The following ZNF385D variants were observed in gnomAD, a reference collection of about 807,000 sequenced individuals.
The protein encoded by ZNF385D is zinc finger protein 385D, also known as zinc finger protein 659.
Under a neutral mutation model 35.8 loss-of-function variants are expected in ZNF385D, and 15 were observed. That is an observed-to-expected ratio of 0.42 (90% CI 0.28 to 0.64). The LOEUF (loss-of-function observed/expected upper bound fraction) is 0.64. ZNF385D is among the 30% of genes least tolerant of loss of function. The pLI is 0.23. For synonymous variants in ZNF385D, 212 were observed against 186.8 expected (o/e 1.13, Z -1.10); for missense variants, 474 against 494.6 (o/e 0.96, Z 0.39).
chr3:22,110,056 A>G (rs543943877), intron 3 of ZNF385D, among the ~76,000 whole-genome samples: 99 of 152,316 alleles, frequency 6.5e-4, no homozygotes, highest in African/African-American at 2.3e-3. Flanking sequence ...ATCACTGACC[A>G]TCAGAGAAAT....
At chr3:22,193,159 G>C (rs1160467908) in intron 2 of ZNF385D, among the ~76,000 whole-genome samples, 1 of 152,062 alleles carries the variant, frequency 6.6e-6, no homozygotes, top group Non-Finnish European at 1.5e-5. Flanking sequence ...CTTATGAATA[G>C]TTTATATCTC....
chr3:21,686,290 T>A (rs1229134103), intron 1 of ZNF385D, among the ~76,000 whole-genome samples: 5 of 152,292 alleles, frequency 3.3e-5, no homozygotes, highest in African/African-American at 1.2e-4. Context: ...TAGGTTGCTA[T>A]AATTATTTTT....
intron 2 of ZNF385D, among the ~76,000 whole-genome samples, chr3:21,649,850 T>C (rs947501175): frequency 6.6e-6 from 1 of 152,166 alleles, no homozygotes; most frequent in Admixed American, 6.5e-5. Context: ...TTAAAGTGTA[T>C]TGGTTTCTTT....
chr3:22,129,760 A>C lies in ZNF385D; in HGVS notation c.325+39057T>G, dbSNP rs528082137. On this transcript the variant is annotated intron_variant, in intron 3 of 5. Transcript: ENST00000494108. Reference sequence around the variant, plus strand: ...TCTGGCCCAAGGTGGGCCTAAAAACACTCTCCAGGAGCTAAAGCCTGGAAG... The same window carrying C: ...TCTGGCCCAAGGTGGGCCTAAAAACCCTCTCCAGGAGCTAAAGCCTGGAAG... 2.6e-5 allele frequency among the ~76,000 whole-genome samples: 4 copies of C among 151,992 alleles called. No individual in the cohort carries two copies. The East Asian group carries it at 7.8e-4, about 30-fold the overall frequency.
At chr3:22,307,315 T>C (rs1240717568) in intron 2 of ZNF385D, among the ~76,000 whole-genome samples, 1 of 152,088 alleles carries the variant, frequency 6.6e-6, no homozygotes, top group Non-Finnish European at 1.5e-5. Context: ...GGAGAAATCT[T>C]TGAATGCCAC....
intron 3 of ZNF385D, among the ~76,000 whole-genome samples, chr3:21,524,560 G>C (rs777025942): frequency 6.6e-6 from 1 of 152,108 alleles, no homozygotes; most frequent in Non-Finnish European, 1.5e-5. Flanking sequence ...TAACTAGAAA[G>C]TTAACATATT....
chr3:21,942,015 T>C (rs1246877943), intron 3 of ZNF385D, among the ~76,000 whole-genome samples: 1 of 152,180 alleles, frequency 6.6e-6, no homozygotes, highest in Non-Finnish European at 1.5e-5. Context: ...CTGGAACTTT[T>C]CTCTTTTATA....
At chr3:22,096,719 C>T (rs532483049) in intron 3 of ZNF385D, among the ~76,000 whole-genome samples, 3 of 152,114 alleles carry the variant, frequency 2.0e-5, no homozygotes, top group African/African-American at 7.2e-5. Context: ...CTATCATTCC[C>T]CACGCTGTTC....
At chr3:21,795,551 T>G (rs1447485979) in intron 3 of ZNF385D, among the ~76,000 whole-genome samples, 1 of 152,216 alleles carries the variant, frequency 6.6e-6, no homozygotes, top group Non-Finnish European at 1.5e-5. Flanking sequence ...ATAAAAATTT[T>G]TAAAAATCCT....
chr3:21,672,291 C>G (rs1443515423), intron 1 of ZNF385D, among the ~76,000 whole-genome samples: 1 of 151,038 alleles, frequency 6.6e-6, no homozygotes, highest in Non-Finnish European at 1.5e-5. Context: ...CCCCTCTCCT[C>G]TGTTTTGGAT....
chr3:21,471,855 G>A (rs1383312124), intron 4 of ZNF385D, among the ~76,000 whole-genome samples: 2 of 151,872 alleles, frequency 1.3e-5, no homozygotes, highest in Non-Finnish European at 2.9e-5. Context: ...ATTATTTGCT[G>A]GTTATGTTTA....
chr3:21,932,045 T>C (rs1239729270), intron 3 of ZNF385D, among the ~76,000 whole-genome samples: 2 of 151,582 alleles, frequency 1.3e-5, no homozygotes, highest in Non-Finnish European at 2.9e-5. Flanking sequence ...CGGGCACCTG[T>C]GGTCCCAGCT....
chr3:22,069,729 G>A (rs1345327126), intron 3 of ZNF385D, among the ~76,000 whole-genome samples: 1 of 152,082 alleles, frequency 6.6e-6, no homozygotes, highest in Admixed American at 6.6e-5. Flanking sequence ...TAGATGTGAA[G>A]GTAATAAGTG....
intron 3 of ZNF385D, among the ~76,000 whole-genome samples, chr3:21,900,969 C>T (rs1699380050): frequency 6.6e-6 from 1 of 152,174 alleles, no homozygotes; most frequent in South Asian, 2.1e-4. Flanking sequence ...GGTAAAGCCA[C>T]CAGCCAGGTC....
chr3:22,342,182 C>T (rs1268702120), intron 2 of ZNF385D, among the ~76,000 whole-genome samples: 1 of 141,638 alleles, frequency 7.1e-6, no homozygotes, highest in Non-Finnish European at 1.5e-5. Flanking sequence ...GAGACTGAGG[C>T]AGGAGAATGG....
rs1006344359 is a variant in ZNF385D at position 21,806,924 on chromosome 3, T to C, written c.326-141896A>G. ...ACCAGAGCCAAGTTTGGAAAACACATATTTATCTCCAAACAGAAATTTCAT... is the reference window on the plus strand; with the variant it reads ...ACCAGAGCCAAGTTTGGAAAACACACATTTATCTCCAAACAGAAATTTCAT... On this transcript the variant is annotated intron_variant, in intron 3 of 5. Coordinates refer to the ZNF385D transcript ENST00000494108. Among the ~76,000 whole-genome samples the C allele has an allele frequency of 3.3e-5, 5 of 152,332 alleles. No individual in the cohort carries two copies. The East Asian group carries it at 7.7e-4, about 24-fold the overall frequency.
At chr3:21,798,896 T>C (rs2137610) in intron 3 of ZNF385D, among the ~76,000 whole-genome samples, 35,496 of 152,106 alleles carry the variant, frequency 0.23, 4,392 homozygotes, top group East Asian at 0.42. Flanking sequence ...ATAACGTCTA[T>C]ATAGTTAAAA....
chr3:22,278,191 TAA>T (rs2125374216), intron 2 of ZNF385D, among the ~76,000 whole-genome samples: 1 of 152,158 alleles, frequency 6.6e-6, no homozygotes, highest in East Asian at 1.9e-4. Context: ...TTTAATACGT[TAA>T]GTTTAAAAAG....
At chr3:21,615,774 G>T (rs2064827281) in intron 2 of ZNF385D, among the ~76,000 whole-genome samples, 1 of 149,226 alleles carries the variant, frequency 6.7e-6, no homozygotes, top group African/African-American at 2.5e-5. Context: ...GAGAATGACT[G>T]CAAAGAAAAT....
Sources: gnomAD v4.1 joint callset for allele counts (sites outside exome capture counted in the v4.1 genomes callset) on GRCh38, gnomAD v4.1.1 for gene constraint, MANE v1.5 for transcripts, NCBI Gene and HGNC (gene_info 2026-07-23, HGNC 2026-07-21) for gene names.